ATP6V1G1: variants seen among roughly 807,000 people sequenced by gnomAD.
ATP6V1G1 encodes the protein V-type proton ATPase subunit G 1.
ATP6V1G1 carries 14 observed loss-of-function variants against 14.2 expected under a neutral mutation model. That is an observed-to-expected ratio of 0.99 (90% CI 0.65 to 1.55). The LOEUF (loss-of-function observed/expected upper bound fraction) is 1.55, where lower values mean the gene tolerates loss of function less well. Ranked by LOEUF, ATP6V1G1 falls within the 40% of genes most tolerant of loss-of-function variation. The pLI, the probability that ATP6V1G1 is intolerant of heterozygous loss-of-function variation, is 0.00. For missense variants in ATP6V1G1, 137 were observed against 146.4 expected, an observed-to-expected ratio of 0.94 and a Z score of 0.33; for synonymous variants, 65 against 53.3, an observed-to-expected ratio of 1.22 and a Z score of -0.96.
intron 2 of ATP6V1G1, among the ~76,000 whole-genome samples, chr9:114,595,319 G>A (rs1589313935): frequency 1.3e-5 from 2 of 152,288 alleles, no homozygotes; most frequent in African/African-American, 2.4e-5. Flanking sequence ...TTAATGAAAT[G>A]CCCCAGGAGA....
intron 1 of ATP6V1G1, among the ~76,000 whole-genome samples, chr9:114,590,178 G>T (rs1170121195): frequency 2.1e-5 from 3 of 141,994 alleles, no homozygotes; most frequent in African/African-American, 5.2e-5. Context: ...CAGCCTTGGG[G>T]ACAGAGGGAG....
In ATP6V1G1 at chr9:114,587,914, C is replaced by T; in HGVS notation, c.76C>T (p.Arg26Cys). ...KRAAEKVSEA[R>C]KRKNRRLKQA... ...GGCAGCCGAGAAGGTGTCCGAGGCC[C>T]GCAAAAGTGAGTTTCAGGGTGGGGC... Residue 26 changes from arginine to cysteine, a missense_variant, in exon 1 of 3, where the codon CGC (arginine) becomes TGC (cysteine). Physicochemically the swap from Arg to Cys is radical, Grantham distance 180. Transcript: ENST00000374050. 2 of 1,576,390 alleles carry T rather than the reference C, an allele frequency of 1.3e-6. No homozygotes were observed. Among genetic ancestry groups the T allele is most frequent in the South Asian group, 1.2e-5 (1 of 85,962 alleles).
At position 114,592,672 on chromosome 9, in the gene ATP6V1G1, T is replaced by G; in HGVS notation, c.183+20T>G. 1.3e-6 allele frequency: 2 copies of G among 1,557,668 alleles called. No homozygotes were observed. The highest frequency in any genetic ancestry group is 1.7e-6 in the Non-Finnish European group (2 of 1,149,484). On this transcript the variant is annotated intron_variant, in intron 2 of 2. Coordinates refer to ENST00000374050, the MANE Select transcript of ATP6V1G1 (RefSeq NM_004888.4). The stretch of plus-strand genomic sequence containing the variant: ...GCTGCGGTGGGGCACCATTTGTTTT[T>G]GTTACTGCTTTAGTTTCTGATCCCC...
In ATP6V1G1 at chr9:114,587,912, C is replaced by T; in HGVS notation, c.74C>T (p.Ala25Val). The change falls in exon 1 of 3, where the codon GCC becomes GTC. Residue 25 changes from alanine to valine, a missense_variant. Coordinates refer to ENST00000374050, the MANE Select transcript of ATP6V1G1 (RefSeq NM_004888.4). ...CGGGCAGCCGAGAAGGTGTCCGAGG[C>T]CCGCAAAAGTGAGTTTCAGGGTGGG... ...EKRAAEKVSE[A>V]RKRKNRRLKQ... 6.3e-7 allele frequency: 1 copy of T among 1,577,698 alleles called. No homozygotes were observed. Among genetic ancestry groups the T allele is most frequent in the Non-Finnish European group, 8.6e-7 (1 of 1,161,840 alleles).
intron 2 of ATP6V1G1, among the ~76,000 whole-genome samples, chr9:114,594,709 T>C (rs971192853): frequency 1.1e-4 from 17 of 152,034 alleles, no homozygotes; most frequent in Admixed American, 9.2e-4. Flanking sequence ...CATTCTTTTT[T>C]CTTTTTCGTG....
At chr9:114,597,092 G>A (rs937352887) in intron 2 of ATP6V1G1, among the ~76,000 whole-genome samples, 5 of 144,436 alleles carry the variant, frequency 3.5e-5, no homozygotes, top group African/African-American at 1.3e-4. Flanking sequence ...CCGGGTTCAC[G>A]CCATTCTCCT....
At chr9:114,590,833 G>A (rs767895298) in intron 1 of ATP6V1G1, among the ~76,000 whole-genome samples, 4 of 151,472 alleles carry the variant, frequency 2.6e-5, no homozygotes, top group Non-Finnish European at 2.9e-5. Context: ...TCGCTCTGTC[G>A]CCCCCAGGCA....
At chr9:114,590,542 A>G (rs1213040248) in intron 1 of ATP6V1G1, among the ~76,000 whole-genome samples, 3 of 152,080 alleles carry the variant, frequency 2.0e-5, no homozygotes, top group Non-Finnish European at 4.4e-5. Flanking sequence ...CGGCCTCCCA[A>G]AGTGCTGGGA....
intron 1 of ATP6V1G1, among the ~76,000 whole-genome samples, 169 bp from the exon 2 acceptor site, chr9:114,592,383 G>A (rs1363504697): frequency 6.6e-6 from 1 of 152,126 alleles, no homozygotes; most frequent in African/African-American, 2.4e-5. Context: ...GCCTATAGGA[G>A]GGAGGAACCT....
chr9:114,588,014 G>A lies in ATP6V1G1; in HGVS notation c.82+94G>A, dbSNP rs566095062. 3.0e-6 allele frequency: 4 copies of A among 1,332,778 alleles called. 1 individual carries two copies. The East Asian group carries it at 1.0e-4, about 34-fold the overall frequency. The allele number at this position is 1,332,778 out of a possible 1,614,324, so 82.6% of individuals were successfully genotyped here. ...GGTAGATTAGGCCCGAAAAACTGCG[G>A]GGTGCGGGCGTGCGTATAGTCGCGG... On this transcript the variant is annotated intron_variant, in intron 1 of 2. Transcript: ENST00000374050.
rs4979440 is a variant in ATP6V1G1, at chr9:114,590,534, G to T, written c.83-2018G>T. The stretch of plus-strand genomic sequence containing the variant: ...CGGCCGGGTTCTTCTCAAACTCTCG[G>T]CCTCCCAAAGTGCTGGGATTACAGA... On this transcript the variant is annotated intron_variant, in intron 1 of 2. Transcript: ENST00000374050. 9.3e-4 allele frequency among the ~76,000 whole-genome samples: 141 copies of T among 152,092 alleles called. 2 individuals carry two copies. The highest frequency in any genetic ancestry group is 9.0e-3 in the Admixed American group (138 of 15,286).
chr9:114,596,404 A>C (rs1845239020), intron 2 of ATP6V1G1, among the ~76,000 whole-genome samples: 1 of 151,804 alleles, frequency 6.6e-6, no homozygotes, highest in South Asian at 2.1e-4. Context: ...AAAAAAAAAA[A>C]AGTGTGGGGG....
chr9:114,596,955 C>A (rs1425740768), intron 2 of ATP6V1G1, among the ~76,000 whole-genome samples: 4 of 150,062 alleles, frequency 2.7e-5, no homozygotes, highest in Non-Finnish European at 5.9e-5. Context: ...TAGGTTGATT[C>A]CTATCTTTGG....
intron 2 of ATP6V1G1, among the ~76,000 whole-genome samples, chr9:114,596,986 CTTTTTTTTT>C (rs71367785): frequency 9.6e-6 from 1 of 104,584 alleles, no homozygotes; most frequent in African/African-American, 3.8e-5. Context: ...ATAGCAGATT[CTTTTTTTTT>C]TTTTTTTTTT....
Position 114,587,834 on chromosome 9 carries a change from C to T in ATP6V1G1, c.-5C>T. 1 of 1,585,888 alleles carries T rather than the reference C, an allele frequency of 6.3e-7. No homozygotes were observed. The highest frequency in any genetic ancestry group is 2.3e-5 in the East Asian group (1 of 43,772). ...GCTTGCCTTGCTCTCAGAATCGCTG[C>T]CGCCATGGCTAGTCAGTCTCAGGGG... is the stretch of plus-strand genomic sequence containing the variant. On this transcript the variant is annotated 5_prime_UTR_variant, in exon 1 of 3. Transcript: ENST00000374050.
intron 1 of ATP6V1G1, among the ~76,000 whole-genome samples, chr9:114,591,806 CT>C (rs77405360): frequency 1.4e-3 from 203 of 143,324 alleles, no homozygotes; most frequent in Admixed American, 1.5e-3. Context: ...TAGAACCTCT[CT>C]TTTTTTTTTT....
intron 2 of ATP6V1G1, among the ~76,000 whole-genome samples, chr9:114,593,951 A>G (rs888866344): frequency 6.6e-6 from 1 of 152,170 alleles, no homozygotes; most frequent in African/African-American, 2.4e-5. Context: ...AAATACAAAT[A>G]AAACTTAACA....
At chr9:114,592,427 C>T (rs891203453) in intron 1 of ATP6V1G1, 125 bp from the exon 2 acceptor site, 2 of 927,054 alleles carry the variant, frequency 2.2e-6, no homozygotes, top group Non-Finnish European at 3.2e-6. Flanking sequence ...CCCTCTTTCC[C>T]ATGCACATCT....
At chr9:114,588,210 T>C (rs1309988541) in intron 1 of ATP6V1G1, 2 of 425,422 alleles carry the variant, frequency 4.7e-6, no homozygotes, top group Non-Finnish European at 8.5e-6. Context: ...TTTGTTCTTC[T>C]TCTCTCCCAC....
Sources: gnomAD v4.1 joint callset for allele counts (sites outside exome capture counted in the v4.1 genomes callset) on GRCh38, gnomAD v4.1.1 for gene constraint, MANE v1.5 for transcripts, NCBI Gene and HGNC (gene_info 2026-07-23, HGNC 2026-07-21) for gene names.